Variants in SPPL3 observed in about 807,000 individuals in gnomAD.
SPPL3 encodes signal peptide peptidase-like 3.
A neutral mutation model predicts 42.4 loss-of-function variants in SPPL3; 5 were observed. The ratio of observed to expected loss-of-function variants is 0.12; its 90% CI spans 0.06 to 0.25. The LOEUF (loss-of-function observed/expected upper bound fraction) is 0.25, where lower values mean the gene tolerates loss of function less well. SPPL3 is among the 10% of genes least tolerant of loss of function. The pLI is 1.00. For missense variants in SPPL3, 235 were observed against 489.0 expected, an observed-to-expected ratio of 0.48 and a Z score of 4.90; for synonymous variants, 195 against 181.8, an observed-to-expected ratio of 1.07 and a Z score of -0.58.
At chr12:120,847,594 T>G (rs934616561) in intron 1 of SPPL3, among the ~76,000 whole-genome samples, 6 of 151,994 alleles carry the variant, frequency 3.9e-5, no homozygotes, top group Non-Finnish European at 7.4e-5. Context: ...AAGTCTGGCC[T>G]TATTTTTTAT....
At chr12:120,782,606 TAA>T (rs763485452) in intron 6 of SPPL3, 47 bp downstream of exon 6, 2 of 1,379,120 alleles carry the variant, frequency 1.5e-6, no homozygotes, top group East Asian at 5.0e-5. Flanking sequence ...AAAGTATCTA[TAA>T]AACTCTATAA....
At chr12:120,807,382 A>C (rs932648443) in intron 2 of SPPL3, among the ~76,000 whole-genome samples, 6 of 152,218 alleles carry the variant, frequency 3.9e-5, no homozygotes, top group African/African-American at 1.2e-4. Context: ...AACAATTACA[A>C]AGAAAACGGG....
At chr12:120,807,788 G>A (rs1002588069) in intron 2 of SPPL3, among the ~76,000 whole-genome samples, 2 of 151,978 alleles carry the variant, frequency 1.3e-5, no homozygotes, top group African/African-American at 2.4e-5. Context: ...CCCAACTGTA[G>A]GTGGCTTCAC....
intron 1 of SPPL3, among the ~76,000 whole-genome samples, chr12:120,902,367 TA>T (rs1322818323): frequency 6.6e-6 from 1 of 152,222 alleles, no homozygotes; most frequent in African/African-American, 2.4e-5. Flanking sequence ...TCTAACACTA[TA>T]AATAATCCAC....
At chr12:120,832,642 G>C (rs1401160256) in intron 1 of SPPL3, among the ~76,000 whole-genome samples, 2 of 151,942 alleles carry the variant, frequency 1.3e-5, no homozygotes, top group African/African-American at 4.8e-5. Context: ...CTCCGGCCTG[G>C]GGAACAAGAA....
At chr12:120,872,440 T>C (rs1207710092) in intron 1 of SPPL3, among the ~76,000 whole-genome samples, 1 of 152,208 alleles carries the variant, frequency 6.6e-6, no homozygotes, top group Non-Finnish European at 1.5e-5. Flanking sequence ...ACTTAAAGCC[T>C]GGAGACAACT....
intron 2 of SPPL3, 84 bp downstream of exon 2, chr12:120,810,725 G>C: frequency 9.7e-7 from 1 of 1,026,504 alleles, no homozygotes; most frequent in South Asian, 1.4e-5. Flanking sequence ...TCTTCACAGA[G>C]TAAGTTTTGG....
intron 1 of SPPL3, among the ~76,000 whole-genome samples, chr12:120,853,192 C>T (rs768067440): frequency 1.3e-5 from 2 of 152,038 alleles, no homozygotes; most frequent in Admixed American, 6.6e-5. Context: ...CCACTACGCC[C>T]GGCCTAAAGA....
chr12:120,895,720 A>G (rs151105378), intron 1 of SPPL3, among the ~76,000 whole-genome samples: 3 of 148,450 alleles, frequency 2.0e-5, no homozygotes, highest in African/African-American at 4.9e-5. Flanking sequence ...CAATGCATGA[A>G]GCATTTTTAT....
Position 120,903,895 on chromosome 12 carries a change from A to G in SPPL3, c.-28T>C, listed in dbSNP as rs1453664837. The G allele has an allele frequency of 1.0e-5, 14 of 1,387,666 alleles. No individual in the cohort carries two copies. The African/African-American group carries it at 1.4e-4, about 13-fold the overall frequency. The allele number at this position is 1,387,666 out of a possible 1,614,324, so 86.0% of individuals were successfully genotyped here. ...CGCTGCCTCTCGTGGGCTCCGCTGC[A>G]GGCTGTGGCCGGGCCCGGCGGCGGC... On this transcript the variant is annotated 5_prime_UTR_variant, in exon 1 of 11. Coordinates refer to ENST00000353487, the MANE Select transcript of SPPL3 (RefSeq NM_139015.5).
chr12:120,864,602 T>C (rs1872707143), intron 1 of SPPL3, among the ~76,000 whole-genome samples: 1 of 152,168 alleles, frequency 6.6e-6, no homozygotes, highest in South Asian at 2.1e-4. Flanking sequence ...GCAACAAATA[T>C]TATCAGTCCT....
chr12:120,871,561 C>A (rs1067742), intron 1 of SPPL3, among the ~76,000 whole-genome samples: 1 of 151,758 alleles, frequency 6.6e-6, no homozygotes, highest in African/African-American at 2.4e-5. Flanking sequence ...GAGACCAGCC[C>A]GGCCAACGTG....
intron 1 of SPPL3, among the ~76,000 whole-genome samples, chr12:120,871,482 G>A (rs2137049871): frequency 6.6e-6 from 1 of 152,294 alleles, no homozygotes; most frequent in South Asian, 2.1e-4. Flanking sequence ...GCCAGGTGCA[G>A]TGGCTCACAG....
intron 1 of SPPL3, among the ~76,000 whole-genome samples, chr12:120,830,940 A>T (rs1195668019): frequency 6.6e-6 from 1 of 152,092 alleles, no homozygotes; most frequent in Non-Finnish European, 1.5e-5. Flanking sequence ...TCTGTGTGTG[A>T]GAGTGTTTCT....
intron 1 of SPPL3, among the ~76,000 whole-genome samples, chr12:120,867,536 G>A (rs1375057761): frequency 6.6e-6 from 1 of 151,876 alleles, no homozygotes; most frequent in Non-Finnish European, 1.5e-5. Flanking sequence ...GTGATGGTAC[G>A]TGCCTGTAGT....
At chr12:120,853,975 C>T (rs866673356) in intron 1 of SPPL3, among the ~76,000 whole-genome samples, 13 of 124,362 alleles carry the variant, frequency 1.0e-4, no homozygotes, top group Non-Finnish European at 1.7e-4. Flanking sequence ...ACCACACACA[C>T]GCACACATAC....
chr12:120,885,509 A>C (rs1873424358), intron 1 of SPPL3, among the ~76,000 whole-genome samples: 1 of 152,234 alleles, frequency 6.6e-6, no homozygotes. Flanking sequence ...AGTACCACTT[A>C]GAATAACTAC....
At chr12:120,819,002 T>G (rs1334228790) in intron 1 of SPPL3, among the ~76,000 whole-genome samples, 1 of 152,224 alleles carries the variant, frequency 6.6e-6, no homozygotes, top group African/African-American at 2.4e-5. Context: ...GATTCTCATA[T>G]CGGCTTCTGC....
At chr12:120,810,973 T>G in intron 1 of SPPL3, 87 bp from the exon 2 acceptor site, 1 of 837,560 alleles carries the variant, frequency 1.2e-6, no homozygotes, top group African/African-American at 1.7e-5. Context: ...TAAACCCCAC[T>G]GAGCTTTGTT....
Sources: gnomAD v4.1 joint callset for allele counts (sites outside exome capture counted in the v4.1 genomes callset) on GRCh38, gnomAD v4.1.1 for gene constraint, MANE v1.5 for transcripts, NCBI Gene and HGNC (gene_info 2026-07-23, HGNC 2026-07-21) for gene names.